MYH9: variants seen among roughly 807,000 people sequenced by gnomAD.
MYH9 encodes myosin-9.
MYH9 carries 29 observed loss-of-function variants against 241.9 expected under a neutral mutation model. The observed-to-expected ratio is 0.12, with a 90% confidence interval of 0.09 to 0.16. The LOEUF (loss-of-function observed/expected upper bound fraction) is 0.16. Ranked by LOEUF, MYH9 falls within the 10% of genes least tolerant of loss-of-function variation. MYH9 has a pLI of 1.00. For synonymous variants in MYH9, 1,047 were observed against 1,062.6 expected, an observed-to-expected ratio of 0.99 and a Z score of 0.29; for missense variants, 1,803 against 2,595.5, an observed-to-expected ratio of 0.69 and a Z score of 6.63.
chr22:36,331,106 T>C (rs1015142317), intron 3 of MYH9, among the ~76,000 whole-genome samples: 2 of 152,090 alleles, frequency 1.3e-5, no homozygotes, highest in African/African-American at 4.8e-5. Flanking sequence ...GGAGCAGTTC[T>C]GCAAAGGAGG....
At chr22:36,382,619 G>A (rs1179030811) in intron 1 of MYH9, among the ~76,000 whole-genome samples, 1 of 151,766 alleles carries the variant, frequency 6.6e-6, no homozygotes, top group Non-Finnish European at 1.5e-5. Flanking sequence ...CCTGGCCAAC[G>A]TGGTGAAACC....
At chr22:36,349,978 A>C (rs1296002878) in intron 1 of MYH9, among the ~76,000 whole-genome samples, 1 of 152,252 alleles carries the variant, frequency 6.6e-6, no homozygotes, top group East Asian at 1.9e-4. Flanking sequence ...CCAGTTTAAA[A>C]AACTTGTTAT....
intron 15 of MYH9, among the ~76,000 whole-genome samples, chr22:36,307,585 C>A (rs1365816177): frequency 6.6e-6 from 1 of 152,186 alleles, no homozygotes; most frequent in Non-Finnish European, 1.5e-5. Context: ...GCCTACAAAC[C>A]AGTCAATTAA....
intron 25 of MYH9, among the ~76,000 whole-genome samples, 194 bp downstream of exon 25, chr22:36,296,649 A>C (rs1210953818): frequency 2.0e-5 from 3 of 151,976 alleles, no homozygotes; most frequent in African/African-American, 4.8e-5. Flanking sequence ...AATTATAAAC[A>C]AACAAAAGAC....
At chr22:36,307,625 C>T (rs1035699022) in intron 15 of MYH9, among the ~76,000 whole-genome samples, 23 of 152,146 alleles carry the variant, frequency 1.5e-4, no homozygotes, top group African/African-American at 5.1e-4. Flanking sequence ...TGGTGGCTCG[C>T]GCCTGTAATC....
At chr22:36,309,469 AG>A in intron 14 of MYH9, 73 bp from the exon 15 acceptor site, 2 of 1,142,594 alleles carry the variant, frequency 1.8e-6, no homozygotes, top group South Asian at 2.5e-5. Flanking sequence ...TCCGGAGCAC[AG>A]GCTAACCCCA....
chr22:36,364,599 C>A (rs186294674), intron 1 of MYH9, among the ~76,000 whole-genome samples: 5 of 152,292 alleles, frequency 3.3e-5, no homozygotes, highest in Admixed American at 3.3e-4. Context: ...CTCCGCCCCA[C>A]CCCCTGCCTC....
intron 1 of MYH9, among the ~76,000 whole-genome samples, chr22:36,384,623 T>C (rs373423847): frequency 2.3e-5 from 1 of 42,978 alleles, no homozygotes; most frequent in Non-Finnish European, 5.2e-5. Context: ...TATATATATA[T>C]ATATATATAT....
intron 1 of MYH9, among the ~76,000 whole-genome samples, chr22:36,357,873 A>G (rs1023548065): frequency 2.0e-5 from 3 of 152,216 alleles, no homozygotes; most frequent in Non-Finnish European, 4.4e-5. Flanking sequence ...TGAATACCCA[A>G]TTTAAAAGTA....
At chr22:36,360,000 C>T (rs1158177989) in intron 1 of MYH9, among the ~76,000 whole-genome samples, 1 of 148,686 alleles carries the variant, frequency 6.7e-6, no homozygotes. Context: ...CTGTTAGCAC[C>T]CCAATTTCCT....
At chr22:36,290,259 G>A (rs2016664308) in intron 31 of MYH9, among the ~76,000 whole-genome samples, 1 of 149,778 alleles carries the variant, frequency 6.7e-6, no homozygotes, top group Non-Finnish European at 1.5e-5. Flanking sequence ...CAGCCACTCA[G>A]GAAGCTGATG....
rs2016637406 is a variant in MYH9 at position 36,288,917 on chromosome 22, T to C, written c.4580A>G (p.Lys1527Arg). The change falls in exon 33 of 41, where the codon AAG (lysine) becomes AGG (arginine). Residue 1527 changes from lysine (K) to arginine (R), a missense_variant. Around this residue, in one of 11 missense-constraint regions of MYH9, gnomAD observed 876 missense variants for 1,077.8 expected, o/e 0.81. Transcript: ENST00000216181. The surrounding 1 kb of genome is among the most constrained non-coding windows in gnomAD (Gnocchi z 4.8). ...CTCCACCTGCTGCTCTAGGGCCCGC[T>C]TGGACTTCTCCAGCTCGTGGACCTG... ...GKSVHELEKSKRALEQQVEEM... is the reference protein window; with the variant it reads ...GKSVHELEKSRRALEQQVEEM... The C allele has an allele frequency of 6.2e-7, 1 of 1,613,966 alleles. No homozygotes were observed. The highest frequency in any genetic ancestry group is 8.5e-7 in the Non-Finnish European group (1 of 1,180,012).
rs1270475892 is a variant in MYH9, at chr22:36,320,377, A to T, written c.869-14T>A. ...ACAGGAGATCGGCTGTAAGGGGTGG[A>T]GGGCAAGGGCGCCTCAGCGAGGTGC... On this transcript the variant is annotated splice_polypyrimidine_tract_variant and intron_variant, in intron 8 of 40. Coordinates refer to ENST00000216181, the MANE Select transcript of MYH9 (RefSeq NM_002473.6). This position sits in a 1 kb window ranked among gnomAD's most constrained non-coding sequence, Gnocchi z 4.8. 6.2e-7 allele frequency: 1 copy of T among 1,612,344 alleles called. No individual in the cohort carries two copies. Among genetic ancestry groups the T allele is most frequent in the Non-Finnish European group, 8.5e-7 (1 of 1,180,004 alleles).
chr22:36,345,144 C>T (rs1321344406), intron 2 of MYH9, among the ~76,000 whole-genome samples: 1 of 151,408 alleles, frequency 6.6e-6, no homozygotes, highest in African/African-American at 2.4e-5. Flanking sequence ...AACCCCGTCT[C>T]CACTAAAAAT....
rs924979347 is a variant in MYH9, at chr22:36,294,237, T to C, written c.3692A>G (p.Asn1231Ser). Residue 1231 changes from asparagine (N) to serine (S), a missense_variant, in exon 28 of 41, where the codon AAC (asparagine) becomes AGC (serine). Coordinates refer to ENST00000216181, the MANE Select transcript of MYH9 (RefSeq NM_002473.6). ...GCCCTGCAGCAGCACCTTCACCTCGTTGGCCAGCTCCCCCCGCTCGTTCTC... is the reference window on the plus strand; with the variant it reads ...GCCCTGCAGCAGCACCTTCACCTCGCTGGCCAGCTCCCCCCGCTCGTTCTC... ...TLENERGELANEVKVLLQGKG... is the reference protein window; with the variant it reads ...TLENERGELASEVKVLLQGKG... The C allele has an allele frequency of 1.9e-6, 3 of 1,614,176 alleles. No individual in the cohort carries two copies. The highest frequency in any genetic ancestry group is 1.3e-5 in the African/African-American group (1 of 75,084).
At chr22:36,297,804 T>A (rs2016811937) in intron 24 of MYH9, among the ~76,000 whole-genome samples, 1 of 152,190 alleles carries the variant, frequency 6.6e-6, no homozygotes, top group Non-Finnish European at 1.5e-5. Flanking sequence ...CACGGCTGAG[T>A]GACGGATGGA....
Position 36,304,139 on chromosome 22 carries a change from A to G in MYH9, c.2246T>C (p.Leu749Pro). 1.9e-6 allele frequency: 3 copies of G among 1,613,522 alleles called. No individual in the cohort carries two copies. Among genetic ancestry groups the G allele is most frequent in the Non-Finnish European group, 2.5e-6 (3 of 1,180,018 alleles). The change falls in exon 19 of 41, where the codon CTC (leucine) becomes CCC (proline). Residue 749 changes from leucine to proline, a missense_variant. This residue lies in a region of MYH9 where 72 missense variants were observed against 83.3 expected (regional missense o/e 0.86). Coordinates refer to ENST00000216181, the MANE Select transcript of MYH9 (RefSeq NM_002473.6). ...GCCAATGCGGTACAGATTGCTGTCG[A>G]GCTCCAGGGCTTTTATCTAGGTGGG... ...ACVLMIKALELDSNLYRIGQS... is the reference protein window; with the variant it reads ...ACVLMIKALEPDSNLYRIGQS...
Position 36,285,661 on chromosome 22 carries a change from C to G in MYH9, c.5271G>C (p.Leu1757=). ...LINDRLKKAN[L]QIDQINTDLN... The stretch of plus-strand genomic sequence containing the variant: ...TGGGAGAAGTCCTGGCACCCACCTG[C>G]AGGTTGGCCTTCTTCAGCCGGTCGT... Residue 1757 remains leucine, a synonymous_variant, in exon 37 of 41, where the codon CTG becomes CTC. Coordinates refer to ENST00000216181, the MANE Select transcript of MYH9 (RefSeq NM_002473.6). The surrounding 1 kb of genome is among the most constrained non-coding windows in gnomAD (Gnocchi z 7.0). 6.2e-7 allele frequency: 1 copy of G among 1,612,342 alleles called. No individual in the cohort carries two copies. Among genetic ancestry groups the G allele is most frequent in the Non-Finnish European group, 8.5e-7 (1 of 1,180,012 alleles).
At position 36,329,582 on chromosome 22, in the gene MYH9, G is replaced by A. The variant is rs187915367; in HGVS notation, c.491-2094C>T. On this transcript the variant is annotated intron_variant, in intron 3 of 40. Coordinates refer to ENST00000216181, the MANE Select transcript of MYH9 (RefSeq NM_002473.6). The surrounding 1 kb of genome is among the most constrained non-coding windows in gnomAD (Gnocchi z 4.1). ...ATGTACCTGCGAGTGCTGGCAAGTC[G>A]TGAGCAGCCAACGGCCCAATGCTAC... Among the ~76,000 whole-genome samples the A allele has an allele frequency of 1.3e-4, 20 of 152,348 alleles. No individual in the cohort carries two copies. In the South Asian group the frequency reaches 3.7e-3, roughly 28 times the overall value.
Sources: allele counts gnomAD v4.1 joint callset (sites outside exome capture counted in the v4.1 genomes callset), GRCh38; gene constraint gnomAD v4.1.1; regional missense constraint gnomAD v4.1.1; non-coding constraint Gnocchi (gnomAD v3.1); transcripts MANE v1.5; gene names NCBI Gene and HGNC (gene_info 2026-07-23, HGNC 2026-07-21).